The following PTPRD variants were observed in gnomAD, a reference collection of about 807,000 sequenced individuals.
PTPRD encodes the protein receptor-type tyrosine-protein phosphatase delta.
PTPRD carries 34 observed loss-of-function variants against 214.5 expected under a neutral mutation model. The ratio of observed to expected loss-of-function variants is 0.16; its 90% CI spans 0.12 to 0.21. The LOEUF (loss-of-function observed/expected upper bound fraction) is 0.21, where lower values mean the gene tolerates loss of function less well. Ranked by LOEUF, PTPRD falls within the 10% of genes least tolerant of loss-of-function variation. The pLI, the probability that PTPRD is intolerant of heterozygous loss-of-function variation, is 1.00. For synonymous variants in PTPRD, 1,128 were observed against 845.7 expected, an observed-to-expected ratio of 1.33 and a Z score of -5.79; for missense variants, 2,545 against 2,398.7, an observed-to-expected ratio of 1.06 and a Z score of -1.27.
At chr9:9,057,600 G>A (rs2099698755) in intron 10 of PTPRD, among the ~76,000 whole-genome samples, 1 of 152,104 alleles carries the variant, frequency 6.6e-6, no homozygotes, top group Non-Finnish European at 1.5e-5. Flanking sequence ...AAGTTGATGG[G>A]TAGATCTGAC....
rs892941562 is a variant in PTPRD, at chr9:10,302,736, C to T, written c.-545+38227G>A. Among the ~76,000 whole-genome samples the T allele has an allele frequency of 2.0e-5, 3 of 152,112 alleles. No homozygotes were observed. In the South Asian group the frequency reaches 6.2e-4, roughly 32 times the overall value. ...TAACTGTCCCAAATATATATGCACC[C>T]AATACAGGAGCACCCAGATTCACGA... On this transcript the variant is annotated intron_variant, in intron 3 of 45. Transcript: ENST00000381196.
chr9:8,871,346 C>G (rs1178535812), intron 11 of PTPRD, among the ~76,000 whole-genome samples: 3 of 152,112 alleles, frequency 2.0e-5, no homozygotes, highest in South Asian at 4.1e-4. Flanking sequence ...ATGTTAGCAT[C>G]TGATCACTAA....
At chr9:9,766,554 T>A (rs966999308) in intron 6 of PTPRD, among the ~76,000 whole-genome samples, 1 of 152,144 alleles carries the variant, frequency 6.6e-6, no homozygotes, top group Non-Finnish European at 1.5e-5. Flanking sequence ...ATTATTTAAC[T>A]TGCAAGAGCA....
intron 14 of PTPRD, among the ~76,000 whole-genome samples, chr9:8,539,037 A>T (rs2077676730): frequency 6.6e-6 from 1 of 152,010 alleles, no homozygotes; most frequent in Non-Finnish European, 1.5e-5. Flanking sequence ...GGTATATACT[A>T]AATGTACACA....
At chr9:9,284,768 C>T (rs190380891) in intron 9 of PTPRD, among the ~76,000 whole-genome samples, 3 of 151,840 alleles carry the variant, frequency 2.0e-5, no homozygotes, top group East Asian at 3.9e-4. Context: ...ATCTTGGCTC[C>T]GTTATTAACT....
intron 23 of PTPRD, among the ~76,000 whole-genome samples, chr9:8,503,553 A>G (rs1207712846): frequency 6.6e-6 from 1 of 152,214 alleles, no homozygotes; most frequent in Non-Finnish European, 1.5e-5. Context: ...TTTATGCAAA[A>G]CAATCTGCCC....
intron 14 of PTPRD, among the ~76,000 whole-genome samples, chr9:8,572,098 C>T (rs1418629324): frequency 2.6e-5 from 4 of 152,036 alleles, no homozygotes; most frequent in Non-Finnish European, 5.9e-5. Context: ...GAAATATATT[C>T]AGGTAGCACT....
Position 10,040,025 on chromosome 9 carries a change from G to A in PTPRD, c.-544-6235C>T, listed in dbSNP as rs565160891. On this transcript the variant is annotated intron_variant, in intron 3 of 45. Coordinates refer to ENST00000381196, the MANE Select transcript of PTPRD (RefSeq NM_002839.4). ...CAGTCAGAATTTCAAAGGCATGCAC[G>A]TTGTTTTCAGCAATGCATGGCTTTG... 2.2e-4 allele frequency among the ~76,000 whole-genome samples: 33 copies of A among 152,122 alleles called. 1 individual carries two copies. Among genetic ancestry groups the A allele is most frequent in the South Asian group, 4.1e-4 (2 of 4,820 alleles).
intron 11 of PTPRD, among the ~76,000 whole-genome samples, chr9:8,973,635 C>G (rs1163245770): frequency 6.6e-6 from 1 of 152,072 alleles, no homozygotes; most frequent in African/African-American, 2.4e-5. Context: ...TTTGAGAAAT[C>G]TCCAAAATGC....
intron 45 of PTPRD, among the ~76,000 whole-genome samples, chr9:8,318,532 G>T (rs1044825600): frequency 2.0e-5 from 3 of 152,010 alleles, no homozygotes; most frequent in Non-Finnish European, 4.4e-5. Context: ...ACTTACATAT[G>T]ATGTTCATAT....
chr9:8,560,237 A>G (rs2085629307), intron 14 of PTPRD, among the ~76,000 whole-genome samples: 1 of 152,168 alleles, frequency 6.6e-6, no homozygotes. Context: ...GTACATGTTG[A>G]TCAACCAAGT....
intron 4 of PTPRD, among the ~76,000 whole-genome samples, chr9:10,031,647 T>TACACACACACACACACACACAC (rs1555494944): frequency 1.6e-4 from 14 of 89,580 alleles, no homozygotes; most frequent in Non-Finnish European, 2.7e-4. Flanking sequence ...TATATATATA[T>TACACACACACACACACACACAC]ACACACACAC....
At chr9:9,695,056 T>A (rs1214860075) in intron 7 of PTPRD, among the ~76,000 whole-genome samples, 1 of 152,168 alleles carries the variant, frequency 6.6e-6, no homozygotes, top group Non-Finnish European at 1.5e-5. Context: ...CCACCGTAGC[T>A]GAGAGTATGC....
intron 11 of PTPRD, among the ~76,000 whole-genome samples, chr9:8,975,368 A>C (rs2099262593): frequency 6.6e-6 from 1 of 152,080 alleles, no homozygotes; most frequent in East Asian, 1.9e-4. Context: ...GAGGCCTAGG[A>C]AGATTAGGTA....
At chr9:8,471,141 T>C in intron 30 of PTPRD, 56 bp from the exon 31 acceptor site, 1 of 1,466,358 alleles carries the variant, frequency 6.8e-7, no homozygotes, top group Non-Finnish European at 9.6e-7. Context: ...AAAACGTGGA[T>C]ATACCCTTAA....
At chr9:9,959,299 A>G (rs2094180217) in intron 4 of PTPRD, among the ~76,000 whole-genome samples, 2 of 152,176 alleles carry the variant, frequency 1.3e-5, no homozygotes, top group Non-Finnish European at 2.9e-5. Context: ...CAAAACTTGT[A>G]GAAATAGTAA....
At chr9:10,174,274 G>A (rs556052973) in intron 3 of PTPRD, among the ~76,000 whole-genome samples, 2 of 152,228 alleles carry the variant, frequency 1.3e-5, no homozygotes, top group South Asian at 2.1e-4. Context: ...TCCTTCCTTG[G>A]AACTGAGTGA....
At chr9:8,760,598 CTGTGTG>C (rs34488235) in intron 11 of PTPRD, among the ~76,000 whole-genome samples, 16 of 145,004 alleles carry the variant, frequency 1.1e-4, no homozygotes, top group South Asian at 2.3e-4. Context: ...CTCTCTCTGT[CTGTGTG>C]TGTGTGTGTG....
Position 8,985,203 on chromosome 9 carries a change from A to G in PTPRD, c.-104+33494T>C, listed in dbSNP as rs559646476. Among the ~76,000 whole-genome samples the G allele has an allele frequency of 4.6e-5, 7 of 152,158 alleles. No individual in the cohort carries two copies. The East Asian group carries it at 1.2e-3, about 25-fold the overall frequency. On this transcript the variant is annotated intron_variant, in intron 11 of 45. Transcript: ENST00000381196. Reference sequence around the variant, plus strand: ...AATTTCAGAAGTTTTTAGGAGAACAACTATCTTACATACCAAGGATATACT... The same window carrying G: ...AATTTCAGAAGTTTTTAGGAGAACAGCTATCTTACATACCAAGGATATACT...
Sources: allele counts gnomAD v4.1 joint callset (sites outside exome capture counted in the v4.1 genomes callset), GRCh38; gene constraint gnomAD v4.1.1; transcripts MANE v1.5; gene names NCBI Gene and HGNC (gene_info 2026-07-23, HGNC 2026-07-21).